ADRA1A: variants seen among roughly 807,000 people sequenced by gnomAD.
ADRA1A encodes adrenoceptor alpha 1A, also known as alpha-1A adrenergic receptor.
ADRA1A carries 31 observed loss-of-function variants against 29.6 expected under a neutral mutation model. That is an observed-to-expected ratio of 1.05 (90% CI 0.79 to 1.41). The LOEUF (loss-of-function observed/expected upper bound fraction) is 1.41. Ranked by LOEUF, ADRA1A falls within the 40% of genes most tolerant of loss-of-function variation. ADRA1A has a pLI of 0.00. For missense variants in ADRA1A, 619 were observed against 601.1 expected (o/e 1.03, Z -0.31); for synonymous variants, 311 against 254.3 (o/e 1.22, Z -2.12).
intron 2 of ADRA1A, among the ~76,000 whole-genome samples, chr8:26,809,751 A>C (rs921311086): frequency 1.3e-5 from 2 of 152,254 alleles, no homozygotes; most frequent in Non-Finnish European, 2.9e-5. Context: ...GCTGAGTAAG[A>C]GAAAGCTGTG....
intron 2 of ADRA1A, among the ~76,000 whole-genome samples, chr8:26,788,937 T>C (rs760076860): frequency 3.9e-5 from 6 of 152,160 alleles, no homozygotes; most frequent in Non-Finnish European, 8.8e-5. Flanking sequence ...TAAAAATATA[T>C]ATTTTTAAAA....
chr8:26,804,813 G>A (rs1237098941), intron 2 of ADRA1A, among the ~76,000 whole-genome samples: 2 of 152,120 alleles, frequency 1.3e-5, no homozygotes, highest in African/African-American at 4.8e-5. Context: ...GATGGTGTGT[G>A]AAAAATAATA....
At position 26,799,347 on chromosome 8, in the gene ADRA1A, G is replaced by GAA. The variant is rs568623389; in HGVS notation, c.884-28683_884-28682dup. 1.3e-3 allele frequency among the ~76,000 whole-genome samples: 191 copies of GAA among 152,288 alleles called. 1 individual carries two copies. The highest frequency in any genetic ancestry group is 3.4e-3 in the Admixed American group (52 of 15,282). On this transcript the variant is annotated intron_variant, in intron 2 of 2. Transcript: ENST00000380573. Reference sequence around the variant, plus strand: ...CTAATGAAACTGATCTCTGGGTGGAGAAAACAGAGGTTGTCACCCAGGGAA... The same window carrying GAA: ...CTAATGAAACTGATCTCTGGGTGGAGAAAAAACAGAGGTTGTCACCCAGGGAA...
At chr8:26,756,711 C>G (rs770105656) in exon 3 of ADRA1A, 3 of 1,614,072 alleles carry the variant, frequency 1.9e-6, no homozygotes, top group Non-Finnish European at 2.5e-6. Flanking sequence ...GTTTCATGCT[C>G]CCCTTCCTTG....
At chr8:26,786,116 C>T (rs376223555) in intron 2 of ADRA1A, among the ~76,000 whole-genome samples, 15 of 152,138 alleles carry the variant, frequency 9.9e-5, no homozygotes, top group East Asian at 5.8e-4. Flanking sequence ...TGAAGCCCAA[C>T]GTCCATAGCA....
At chr8:26,814,447 AG>A (rs1421462572) in intron 2 of ADRA1A, among the ~76,000 whole-genome samples, 2 of 152,146 alleles carry the variant, frequency 1.3e-5, no homozygotes, top group Admixed American at 6.5e-5. Flanking sequence ...GTATTTGTAG[AG>A]ATGGGGTCTT....
At chr8:26,861,303 G>GTTTTTTTTT (rs35538353) in intron 2 of ADRA1A, among the ~76,000 whole-genome samples, 3 of 119,674 alleles carry the variant, frequency 2.5e-5, no homozygotes, top group Admixed American at 8.9e-5. Context: ...CAGAGGCTCT[G>GTTTTTTTTT]TTTTTTTTTT....
intron 2 of ADRA1A, among the ~76,000 whole-genome samples, chr8:26,850,774 G>GC (rs1812573556): frequency 6.6e-6 from 1 of 152,188 alleles, no homozygotes; most frequent in Admixed American, 6.5e-5. Context: ...TTACAGGTGT[G>GC]AGTCACTGCA....
intron 2 of ADRA1A, among the ~76,000 whole-genome samples, chr8:26,760,653 T>C (rs58344713): frequency 0.013 from 1,965 of 152,254 alleles, 49 homozygotes; most frequent in African/African-American, 0.044. Context: ...GTTCCCAAGA[T>C]TGGGCTCTGC....
At chr8:26,779,594 G>A (rs982150067) in intron 2 of ADRA1A, among the ~76,000 whole-genome samples, 5 of 152,144 alleles carry the variant, frequency 3.3e-5, no homozygotes, top group African/African-American at 1.2e-4. Flanking sequence ...AAGAGGGCAG[G>A]CTTTGGAAGG....
intron 2 of ADRA1A, among the ~76,000 whole-genome samples, chr8:26,809,539 T>C (rs1424599144): frequency 6.6e-6 from 1 of 152,230 alleles, no homozygotes; most frequent in Admixed American, 6.5e-5. Flanking sequence ...AGAATGATAC[T>C]TGTCTTACAA....
intron 2 of ADRA1A, among the ~76,000 whole-genome samples, chr8:26,832,401 T>C (rs1386335868): frequency 2.0e-5 from 3 of 152,156 alleles, no homozygotes; most frequent in African/African-American, 7.2e-5. Flanking sequence ...GTGCACTCTT[T>C]GCGGAGGCAA....
At chr8:26,799,639 TC>T (rs1360694922) in intron 2 of ADRA1A, among the ~76,000 whole-genome samples, 1 of 152,208 alleles carries the variant, frequency 6.6e-6, no homozygotes, top group Non-Finnish European at 1.5e-5. Flanking sequence ...TTCTGGGGTC[TC>T]AGCTGATCCC....
intron 2 of ADRA1A, among the ~76,000 whole-genome samples, chr8:26,832,250 G>A (rs1157479951): frequency 6.6e-6 from 1 of 152,196 alleles, no homozygotes; most frequent in African/African-American, 2.4e-5. Context: ...GTGAAACCCT[G>A]TCCCAGACGC....
rs1166794843 is a variant in ADRA1A at position 26,821,806 on chromosome 8, T to C, written c.883+42281A>G. On this transcript the variant is annotated intron_variant, in intron 2 of 2. Coordinates refer to ENST00000380573, the MANE Select transcript of ADRA1A (RefSeq NM_000680.4). The surrounding 1 kb of genome is among the most constrained non-coding windows in gnomAD (Gnocchi z 5.6). ...ATCACTAATCTGTTCTCTATTTCTA[T>C]AATTTTGTCATTTCAAGAATGTTAT... 6.6e-6 allele frequency among the ~76,000 whole-genome samples: 1 copy of C among 152,230 alleles called. No homozygotes were observed. Among genetic ancestry groups the C allele is most frequent in the African/African-American group, 2.4e-5 (1 of 41,462 alleles).
chr8:26,825,720 C>G lies in ADRA1A; in HGVS notation c.883+38367G>C, dbSNP rs1035219678. Among the ~76,000 whole-genome samples the G allele has an allele frequency of 6.6e-6, 1 of 152,206 alleles. No homozygotes were observed. The highest frequency in any genetic ancestry group is 1.5e-5 in the Non-Finnish European group (1 of 68,026). On this transcript the variant is annotated intron_variant, in intron 2 of 2. Transcript: ENST00000380573. The surrounding 1 kb of genome is among the most constrained non-coding windows in gnomAD (Gnocchi z 5.7). ...ATGATATATGAATTGCACATGCACG[C>G]TAATTTATACTCTCCCTCCTGATTT...
At chr8:26,842,758 A>G (rs1365005665) in intron 2 of ADRA1A, among the ~76,000 whole-genome samples, 1 of 152,004 alleles carries the variant, frequency 6.6e-6, no homozygotes, top group African/African-American at 2.4e-5. Flanking sequence ...ACCCAGAATA[A>G]TATCATCCCT....
chr8:26,850,025 C>CAAAAAAACA (rs141672591), intron 2 of ADRA1A, among the ~76,000 whole-genome samples: 2 of 121,558 alleles, frequency 1.6e-5, no homozygotes, highest in Non-Finnish European at 3.4e-5. Context: ...GAGAGAAATG[C>CAAAAAAACA]AAAAACAAAA....
chr8:26,862,549 C>A (rs57192440), intron 2 of ADRA1A, among the ~76,000 whole-genome samples: 2 of 152,176 alleles, frequency 1.3e-5, no homozygotes, highest in African/African-American at 4.8e-5. Context: ...AGCGAGCACA[C>A]GCATGAATAC....
Sources: allele counts gnomAD v4.1 joint callset (sites outside exome capture counted in the v4.1 genomes callset), GRCh38; gene constraint gnomAD v4.1.1; non-coding constraint Gnocchi (gnomAD v3.1); transcripts MANE v1.5; gene names NCBI Gene and HGNC (gene_info 2026-07-23, HGNC 2026-07-21).